Variants in NRK observed in about 807,000 individuals in gnomAD.
NRK encodes nik-related protein kinase.
NRK carries 67 observed loss-of-function variants against 125.2 expected under a neutral mutation model. That is an observed-to-expected ratio of 0.54 (90% CI 0.44 to 0.66). NRK has a LOEUF of 0.66. Ranked by LOEUF, NRK falls within the 30% of genes least tolerant of loss-of-function variation. NRK has a pLI of 0.00. For synonymous variants in NRK, 458 were observed against 429.0 expected (o/e 1.07, Z -0.84); for missense variants, 1,224 against 1,192.9 (o/e 1.03, Z -0.38).
chrX:105,855,740 T>C (rs1001021684), intron 2 of NRK, among the ~76,000 whole-genome samples: 4 of 112,125 alleles, frequency 3.6e-5, no homozygotes, highest in African/African-American at 1.3e-4. Flanking sequence ...CCATATATTA[T>C]GTGAAAGATA....
At chrX:105,944,538 G>A (rs2040788150) in intron 24 of NRK, among the ~76,000 whole-genome samples, 1 of 111,578 alleles carries the variant, frequency 9.0e-6, no homozygotes, top group Admixed American at 9.5e-5. Context: ...CCCAATTCCT[G>A]TAGTCAATAT....
At position 105,950,527 on chromosome X, in the gene NRK, AGTGTGTGTGT is replaced by A. The variant is rs56383254; in HGVS notation, c.4513+835_4513+844del. On this transcript the variant is annotated intron_variant, in intron 27 of 28. Coordinates refer to ENST00000243300, the MANE Select transcript of NRK (RefSeq NM_198465.4). ...GGAGAAAATAAAGGAAAAAGGCAGC[AGTGTGTGTGT>A]GTGTGTGTGTGTGTGTGTGTGTGTG... Among the ~76,000 whole-genome samples the A allele has an allele frequency of 9.6e-3, 748 of 77,943 alleles. 6 individuals carry two copies. The highest frequency in any genetic ancestry group is 0.029 in the South Asian group (32 of 1,085). The allele number at this position is 77,943 out of a possible 115,157, so 67.7% of individuals were successfully genotyped here. A position where few individuals can be genotyped will look rare whatever the true frequency, so the allele number is the denominator to read the frequency against.
intron 2 of NRK, among the ~76,000 whole-genome samples, chrX:105,871,304 T>C (rs1415089921): frequency 3.6e-5 from 4 of 111,260 alleles, no homozygotes; most frequent in African/African-American, 1.3e-4. Flanking sequence ...CTAGGGTCAA[T>C]GAAAATACCA....
chrX:105,869,575 G>A (rs1192581955), intron 2 of NRK, among the ~76,000 whole-genome samples: 1 of 111,242 alleles, frequency 9.0e-6, no homozygotes, highest in East Asian at 2.9e-4. Flanking sequence ...TTACTGCTAT[G>A]GTTTGCAGAG....
intron 2 of NRK, among the ~76,000 whole-genome samples, chrX:105,848,739 T>C (rs2039432702): frequency 8.9e-6 from 1 of 112,106 alleles, no homozygotes; most frequent in Non-Finnish European, 1.9e-5. Context: ...ATTTTAATTT[T>C]ACATCTCACC....
chrX:105,890,973 A>G (rs2040009536), intron 5 of NRK, among the ~76,000 whole-genome samples: 1 of 111,792 alleles, frequency 8.9e-6, no homozygotes, highest in South Asian at 3.7e-4. Context: ...TAGTCAACAT[A>G]AATATTTTCA....
chrX:105,844,003 G>C (rs1402722786), intron 2 of NRK, among the ~76,000 whole-genome samples: 4 of 88,680 alleles, frequency 4.5e-5, no homozygotes, highest in African/African-American at 2.2e-4. Context: ...GTGTGTGTGT[G>C]TGTGTGTGTG....
chrX:105,881,750 T>C lies in NRK; in HGVS notation c.223T>C (p.Tyr75His). The C allele has an allele frequency of 8.7e-7, 1 of 1,149,585 alleles. No individual in the cohort carries two copies. Among genetic ancestry groups the C allele is most frequent in the Non-Finnish European group, 1.2e-6 (1 of 854,230 alleles). The allele number at this position is 1,149,585 out of a possible 1,213,427, so 94.7% of individuals were successfully genotyped here. A position where few individuals can be genotyped will look rare whatever the true frequency, so the allele number is the denominator to read the frequency against. Residue 75 changes from tyrosine to histidine, a missense_variant, in exon 4 of 29, where the codon TAT becomes CAT. Physicochemically the swap from Tyr to His is moderately conservative, Grantham distance 83. Coordinates refer to ENST00000243300, the MANE Select transcript of NRK (RefSeq NM_198465.4). Reference sequence around the variant, plus strand: ...AGGAAGGCGAGTGAGAGTGAATAAATATCAAAAATCTGTTGGGTGGAGATA... The same window carrying C: ...AGGAAGGCGAGTGAGAGTGAATAAACATCAAAAATCTGTTGGGTGGAGATA... ...EIGRRVRVNKYQKSVGWRYSD... is the reference protein window; with the variant it reads ...EIGRRVRVNKHQKSVGWRYSD...
chrX:105,930,041 G>T (rs209082), intron 19 of NRK, among the ~76,000 whole-genome samples: 1 of 110,453 alleles, frequency 9.1e-6, no homozygotes, highest in African/African-American at 3.3e-5. Flanking sequence ...GTTTCACTGT[G>T]ATTTTCTTTG....
Position 105,822,797 on chromosome X carries a change from C to G in NRK, c.-49C>G, listed in dbSNP as rs767952703. The G allele has an allele frequency of 9.0e-6, 10 of 1,110,977 alleles. No homozygotes were observed. The East Asian group carries it at 2.0e-4, about 22-fold the overall frequency. The allele number at this position is 1,110,977 out of a possible 1,213,427, so 91.6% of individuals were successfully genotyped here. On this transcript the variant is annotated 5_prime_UTR_variant, in exon 1 of 29. Transcript: ENST00000243300. ...TCTTCATCCGCTTCCACCTCAGACTCTGCGCGCACCCAATTCAGTCGCCCG... is the reference window on the plus strand; with the variant it reads ...TCTTCATCCGCTTCCACCTCAGACTGTGCGCGCACCCAATTCAGTCGCCCG...
chrX:105,839,816 G>A (rs1239114907), intron 2 of NRK, among the ~76,000 whole-genome samples: 1 of 111,148 alleles, frequency 9.0e-6, no homozygotes, highest in Non-Finnish European at 1.9e-5. Context: ...GGAGTGATGG[G>A]TAATGGAAAG....
At chrX:105,832,527 T>C (rs1157393574) in intron 2 of NRK, among the ~76,000 whole-genome samples, 7 of 111,684 alleles carry the variant, frequency 6.3e-5, no homozygotes, top group Non-Finnish European at 1.1e-4. Context: ...TACAGCAGAC[T>C]GATCACAGGT....
intron 14 of NRK, among the ~76,000 whole-genome samples, chrX:105,914,249 A>G (rs1366644910): frequency 1.8e-5 from 2 of 111,018 alleles, no homozygotes; most frequent in African/African-American, 6.5e-5. Context: ...TGAAGTTAAT[A>G]ACAAAGAGTA....
At chrX:105,917,808 C>A in intron 16 of NRK, 136 bp downstream of exon 16, 1 of 374,041 alleles carries the variant, frequency 2.7e-6, no homozygotes, top group Non-Finnish European at 4.6e-6. Context: ...GGATTAGGAC[C>A]TGAAGGCCAT....
At chrX:105,955,220 T>A (rs2040959865) in intron 28 of NRK, among the ~76,000 whole-genome samples, 1 of 111,365 alleles carries the variant, frequency 9.0e-6, no homozygotes, top group Non-Finnish European at 1.9e-5. Flanking sequence ...TGCCCAAAAA[T>A]AATCAAGAAC....
At chrX:105,872,804 T>C (rs1282631019) in intron 2 of NRK, among the ~76,000 whole-genome samples, 1 of 111,722 alleles carries the variant, frequency 9.0e-6, no homozygotes, top group Admixed American at 9.5e-5. Context: ...CAAAGTCCTT[T>C]CTAGCCACAT....
Position 105,822,725 on chromosome X carries a change from C to T in NRK, c.-121C>T. The T allele has an allele frequency of 1.5e-6, 1 of 685,886 alleles. No individual in the cohort carries two copies. The allele number at this position is 685,886 out of a possible 1,213,427, so 56.5% of individuals were successfully genotyped here. ...CTCCCACGCCACGAACCCCGATCCCCAGACTCCTCTCTCCCGCCCTCCTCC... is the reference window on the plus strand; with the variant it reads ...CTCCCACGCCACGAACCCCGATCCCTAGACTCCTCTCTCCCGCCCTCCTCC... On this transcript the variant is annotated 5_prime_UTR_variant, in exon 1 of 29. Transcript: ENST00000243300.
At position 105,880,247 on chromosome X, in the gene NRK, G is replaced by A. The variant is rs2039868765; in HGVS notation, c.172G>A (p.Ala58Thr). Residue 58 changes from alanine (A) to threonine (T), a missense_variant, in exon 3 of 29, where the codon GCT becomes ACT. Coordinates refer to ENST00000243300, the MANE Select transcript of NRK (RefSeq NM_198465.4). ...ATTTACAGCTGTTAAAGTGATGAAC[G>A]CTCGTAAGGTAATATTATAAATTGC... ...GAFTAVKVMNARKTPLPEIGR... is the reference protein window; with the variant it reads ...GAFTAVKVMNTRKTPLPEIGR... The A allele has an allele frequency of 9.7e-7, 1 of 1,035,750 alleles. No homozygotes were observed. Among genetic ancestry groups the A allele is most frequent in the Non-Finnish European group, 1.3e-6 (1 of 773,570 alleles). 85.4% of individuals were successfully genotyped at this position (1,035,750 alleles called of 1,213,427 possible). A position where few individuals can be genotyped will look rare whatever the true frequency, so the allele number is the denominator to read the frequency against.
chrX:105,936,875 C>T (rs891640798), intron 21 of NRK, among the ~76,000 whole-genome samples: 2 of 111,157 alleles, frequency 1.8e-5, no homozygotes, highest in African/African-American at 6.5e-5. Flanking sequence ...TATGCATGAA[C>T]ATAGAATCAT....
Sources: allele counts gnomAD v4.1 joint callset (sites outside exome capture counted in the v4.1 genomes callset), GRCh38; gene constraint gnomAD v4.1.1; transcripts MANE v1.5; gene names NCBI Gene and HGNC (gene_info 2026-07-23, HGNC 2026-07-21).